The following FBXO21 variants were observed in gnomAD, a reference collection of about 807,000 sequenced individuals.
FBXO21 encodes F-box only protein 21.
In FBXO21, 32 loss-of-function variants were observed where a neutral mutation model predicts 76.6. The observed-to-expected ratio is 0.42, with a 90% CI of 0.32 to 0.56. The LOEUF is 0.56. Ranked by LOEUF, FBXO21 falls within the 20% of genes least tolerant of loss-of-function variation. The pLI, the probability that FBXO21 is intolerant of heterozygous loss-of-function variation, is 0.16. For synonymous variants in FBXO21, 328 were observed against 311.5 expected, an observed-to-expected ratio of 1.05 and a Z score of -0.56; for missense variants, 586 against 797.3, an observed-to-expected ratio of 0.73 and a Z score of 3.19.
At chr12:117,161,209 C>G (rs10850779) in intron 9 of FBXO21, among the ~76,000 whole-genome samples, 27,489 of 151,992 alleles carry the variant, frequency 0.18, 3,225 homozygotes, top group Admixed American at 0.35. Context: ...AAGCTGACAG[C>G]TGGGCAGAAG....
rs1354783264 is a variant in FBXO21 at position 117,145,518 on chromosome 12, A to C, written c.*569T>G. On this transcript the variant is annotated 3_prime_UTR_variant, in exon 12 of 12. Transcript: ENST00000622495. Reference sequence around the variant, plus strand: ...TCACATATTAGAAAAAAATAAATTCAAATGATTCTAATTACCATTAGCTTG... The same window carrying C: ...TCACATATTAGAAAAAAATAAATTCCAATGATTCTAATTACCATTAGCTTG... 1 of 152,230 alleles carries C rather than the reference A, an allele frequency of 6.6e-6. No homozygotes were observed. Among genetic ancestry groups the C allele is most frequent in the Non-Finnish European group, 1.5e-5 (1 of 68,044 alleles). The allele number at this position is 152,230 out of a possible 1,614,324, so 9.4% of individuals were successfully genotyped here.
chr12:117,167,847 G>A (rs1323059680), intron 7 of FBXO21, among the ~76,000 whole-genome samples: 1 of 152,116 alleles, frequency 6.6e-6, no homozygotes, highest in Non-Finnish European at 1.5e-5. Context: ...GCCCATCACA[G>A]CCTTGGGCTG....
At chr12:117,163,602 T>G (rs769330073) in intron 9 of FBXO21, among the ~76,000 whole-genome samples, 3 of 151,628 alleles carry the variant, frequency 2.0e-5, no homozygotes, top group Non-Finnish European at 4.4e-5. Context: ...TCATAAAAAC[T>G]TAACAAGTCT....
chr12:117,147,382 T>C (rs1955786887), intron 11 of FBXO21, among the ~76,000 whole-genome samples: 1 of 148,414 alleles, frequency 6.7e-6, no homozygotes, highest in African/African-American at 2.5e-5. Context: ...TAGGGGGTCA[T>C]GAGGTCAGGA....
intron 2 of FBXO21, among the ~76,000 whole-genome samples, chr12:117,186,913 GGT>G (rs1274081484): frequency 6.6e-6 from 1 of 152,224 alleles, no homozygotes; most frequent in Admixed American, 6.5e-5. Context: ...GATAACCTGA[GGT>G]AAGGAGTTTG....
chr12:117,172,376 TG>T, intron 7 of FBXO21, 94 bp downstream of exon 7: 1 of 1,412,972 alleles, frequency 7.1e-7, no homozygotes. Flanking sequence ...TTAACCTGTG[TG>T]GTAACACCCA....
chr12:117,175,509 A>G (rs1183137314), intron 4 of FBXO21, among the ~76,000 whole-genome samples: 1 of 152,214 alleles, frequency 6.6e-6, no homozygotes, highest in Admixed American at 6.5e-5. Context: ...CTTAAATTAA[A>G]GAGATCTCAG....
At chr12:117,181,748 C>T (rs1172338039) in intron 3 of FBXO21, among the ~76,000 whole-genome samples, 1 of 152,128 alleles carries the variant, frequency 6.6e-6, no homozygotes. Context: ...TTCCCAGGTT[C>T]AAGCGATTCT....
At chr12:117,170,552 G>A (rs1369387663) in intron 7 of FBXO21, among the ~76,000 whole-genome samples, 2 of 152,180 alleles carry the variant, frequency 1.3e-5, no homozygotes, top group Non-Finnish European at 2.9e-5. Flanking sequence ...CAAAGGCAGA[G>A]AGAAGAGAAA....
At chr12:117,159,628 G>A (rs1189319269) in intron 9 of FBXO21, among the ~76,000 whole-genome samples, 1 of 152,168 alleles carries the variant, frequency 6.6e-6, no homozygotes, top group Non-Finnish European at 1.5e-5. Context: ...GCTTTTAATT[G>A]TGGGACACTC....
intron 3 of FBXO21, among the ~76,000 whole-genome samples, chr12:117,184,087 A>C (rs1956260407): frequency 6.6e-6 from 1 of 151,794 alleles, no homozygotes; most frequent in Non-Finnish European, 1.5e-5. Flanking sequence ...TAGTGATGCC[A>C]GTTTCCCATT....
intron 4 of FBXO21, 144 bp downstream of exon 4, chr12:117,177,376 T>A (rs534836727): frequency 1.5e-6 from 1 of 676,046 alleles, no homozygotes; most frequent in Admixed American, 2.9e-5. Context: ...TCAGGCCCTA[T>A]AATCCAACCT....
chr12:117,143,353 A>G lies in FBXO21; in HGVS notation c.*2734T>C, dbSNP rs3741470. The G allele has an allele frequency of 0.18, 27,755 of 152,188 alleles. 3,164 individuals are homozygous for G. Among genetic ancestry groups the G allele is most frequent in the East Asian group, 0.41 (2,131 of 5,166 alleles). 9.4% of individuals were successfully genotyped at this position (152,188 alleles called of 1,614,324 possible). A position where few individuals can be genotyped will look rare whatever the true frequency, so the allele number is the denominator to read the frequency against. On this transcript the variant is annotated 3_prime_UTR_variant, in exon 12 of 12. Transcript: ENST00000622495. ...ACCATAGAGTCAATTGACTTTGTTTAACCTATAACCTTTTTTCCTCCCACA... is the reference window on the plus strand; with the variant it reads ...ACCATAGAGTCAATTGACTTTGTTTGACCTATAACCTTTTTTCCTCCCACA...
Position 117,161,790 on chromosome 12 carries a change from G to A in FBXO21, c.1326+3695C>T, listed in dbSNP as rs372583217. 1.6e-4 allele frequency among the ~76,000 whole-genome samples: 25 copies of A among 152,270 alleles called. No individual in the cohort carries two copies. In the East Asian group the frequency reaches 3.3e-3, roughly 20 times the overall value. ...AGGGCACAGGTGCAGGGTAGAAGAC[G>A]TCTAGAAACCATCCTTCAGCCTTGA... On this transcript the variant is annotated intron_variant, in intron 9 of 11. Transcript: ENST00000622495.
intron 7 of FBXO21, 42 bp from the exon 8 acceptor site, chr12:117,167,119 ATTATTT>A: frequency 6.6e-7 from 1 of 1,519,650 alleles, no homozygotes; most frequent in Non-Finnish European, 9.1e-7. Context: ...TGAACAACTC[ATTATTT>A]TAAGTCTCCA....
At chr12:117,184,812 T>C (rs966934203) in intron 3 of FBXO21, among the ~76,000 whole-genome samples, 2 of 152,216 alleles carry the variant, frequency 1.3e-5, no homozygotes, top group African/African-American at 4.8e-5. Flanking sequence ...ACATTAACAA[T>C]AGTGATTTTG....
chr12:117,176,079 C>T (rs548218959), intron 4 of FBXO21, among the ~76,000 whole-genome samples: 3 of 152,300 alleles, frequency 2.0e-5, no homozygotes, highest in East Asian at 3.9e-4. Context: ...ACTAGGTTTT[C>T]ATACACTTGA....
chr12:117,147,597 CAAAAA>C (rs57318190), intron 11 of FBXO21, among the ~76,000 whole-genome samples: 2,901 of 87,338 alleles, frequency 0.033, 41 homozygotes, highest in Non-Finnish European at 0.044. Flanking sequence ...GACTCCATCT[CAAAAA>C]AAAAAAAAAA....
At chr12:117,171,271 T>C (rs1956115604) in intron 7 of FBXO21, among the ~76,000 whole-genome samples, 2 of 139,654 alleles carry the variant, frequency 1.4e-5, no homozygotes, top group Non-Finnish European at 3.0e-5. Context: ...GGTGGGAGGA[T>C]GGCTTGAGTC....
Sources: allele counts gnomAD v4.1 joint callset (sites outside exome capture counted in the v4.1 genomes callset), GRCh38; gene constraint gnomAD v4.1.1; transcripts MANE v1.5; gene names NCBI Gene and HGNC (gene_info 2026-07-23, HGNC 2026-07-21).